Variants in FGGY observed in about 807,000 individuals in gnomAD.
The protein encoded by FGGY is FGGY carbohydrate kinase domain-containing protein.
In FGGY, 72 loss-of-function variants were observed where a neutral mutation model predicts 71.3. The ratio of observed to expected loss-of-function variants is 1.01; its 90% confidence interval spans 0.84 to 1.23. The LOEUF is 1.23. Ranked by LOEUF, FGGY falls within the 50% of genes most tolerant of loss-of-function variation. The pLI is 0.00. For missense variants in FGGY, 668 were observed against 682.3 expected, an observed-to-expected ratio of 0.98 and a Z score of 0.23; for synonymous variants, 251 against 250.3, an observed-to-expected ratio of 1.00 and a Z score of -0.02.
In FGGY at chr1:59,562,117, T is replaced by C. The variant is rs143256815; in HGVS notation, c.903+7890T>C. 6.4e-3 allele frequency among the ~76,000 whole-genome samples: 973 copies of C among 152,326 alleles called. 12 individuals carry two copies. The highest frequency in any genetic ancestry group is 0.023 in the African/African-American group (936 of 41,578). Reference sequence around the variant, plus strand: ...AGTTACAAAGTTAACATATTCCTACTACGTGATCTAGCCATTCCACTCTTA... The same window carrying C: ...AGTTACAAAGTTAACATATTCCTACCACGTGATCTAGCCATTCCACTCTTA... On this transcript the variant is annotated intron_variant, in intron 8 of 15. Coordinates refer to ENST00000303721, the MANE Select transcript of FGGY (RefSeq NM_018291.5).
intron 9 of FGGY, among the ~76,000 whole-genome samples, chr1:59,613,008 A>T (rs1204060424): frequency 9.2e-5 from 14 of 152,208 alleles, no homozygotes; most frequent in Non-Finnish European, 1.3e-4. Context: ...AAGTCCTTAG[A>T]GAACTACAAA....
intron 6 of FGGY, among the ~76,000 whole-genome samples, chr1:59,490,320 G>C (rs899532715): frequency 2.0e-5 from 3 of 152,212 alleles, no homozygotes; most frequent in Non-Finnish European, 2.9e-5. Flanking sequence ...AAGTCTCTGA[G>C]ATTACAGGCG....
chr1:59,642,148 G>A (rs2097036360), intron 11 of FGGY, among the ~76,000 whole-genome samples: 1 of 152,194 alleles, frequency 6.6e-6, no homozygotes, highest in Non-Finnish European at 1.5e-5. Context: ...AAAGGCCTTA[G>A]TAGTTCTGTA....
chr1:59,329,724 C>A (rs1435341673), intron 2 of FGGY, among the ~76,000 whole-genome samples: 1 of 152,212 alleles, frequency 6.6e-6, no homozygotes, highest in East Asian at 1.9e-4. Context: ...ACCAGCATAT[C>A]TAACTCCTGT....
intron 11 of FGGY, among the ~76,000 whole-genome samples, chr1:59,647,830 G>A (rs2097111228): frequency 8.2e-6 from 1 of 122,540 alleles, no homozygotes; most frequent in African/African-American, 3.3e-5. Context: ...CATGTGCCAT[G>A]CTGGTGCGCT....
rs1341035853 is a variant in FGGY at position 59,609,157 on chromosome 1, A to G, written c.1011+1247A>G. On this transcript the variant is annotated intron_variant, in intron 9 of 15. Coordinates refer to ENST00000303721, the MANE Select transcript of FGGY (RefSeq NM_018291.5). ...TATGGGAAAAAAGACATGGAAGTGAAAAATAACGGCTAATTTGAGGGTAAT... is the reference window on the plus strand; with the variant it reads ...TATGGGAAAAAAGACATGGAAGTGAGAAATAACGGCTAATTTGAGGGTAAT... 2.6e-5 allele frequency among the ~76,000 whole-genome samples: 4 copies of G among 152,336 alleles called. No individual in the cohort carries two copies. In the East Asian group the frequency reaches 7.7e-4, roughly 29 times the overall value.
chr1:59,340,150 A>G, intron 3 of FGGY, 81 bp downstream of exon 3: 1 of 907,752 alleles, frequency 1.1e-6, no homozygotes, highest in Non-Finnish European at 1.7e-6. Flanking sequence ...ACAGGAGGGC[A>G]GGCGTCTCTT....
intron 7 of FGGY, among the ~76,000 whole-genome samples, chr1:59,551,499 CG>C (rs2095607307): frequency 6.6e-6 from 1 of 152,114 alleles, no homozygotes; most frequent in African/African-American, 2.4e-5. Context: ...TGTGGAGCAG[CG>C]TGGCCAACTC....
chr1:59,634,878 T>A (rs2096941918), intron 10 of FGGY, among the ~76,000 whole-genome samples: 1 of 152,172 alleles, frequency 6.6e-6, no homozygotes, highest in Non-Finnish European at 1.5e-5. Flanking sequence ...TACCTGATCA[T>A]CCAGCTGGTA....
chr1:59,503,498 C>G (rs1465810907), intron 6 of FGGY, among the ~76,000 whole-genome samples: 1 of 150,934 alleles, frequency 6.6e-6, no homozygotes, highest in Non-Finnish European at 1.5e-5. Context: ...TCTACAATAT[C>G]TTGCCACTGT....
chr1:59,564,653 G>A, intron 8 of FGGY, among the ~76,000 whole-genome samples: 1 of 152,220 alleles, frequency 6.6e-6, no homozygotes, highest in East Asian at 1.9e-4. Context: ...GTGATAATGT[G>A]GGGAACTGGA....
In FGGY at chr1:59,554,611, C is replaced by T. The variant is rs542729829; in HGVS notation, c.903+384C>T. Reference sequence around the variant, plus strand: ...GTCTGTTTTCCTTGGCCAGGGAACTCTCTCTCAATCAATATAAATCCATCT... The same window carrying T: ...GTCTGTTTTCCTTGGCCAGGGAACTTTCTCTCAATCAATATAAATCCATCT... On this transcript the variant is annotated intron_variant, in intron 8 of 15. Coordinates refer to ENST00000303721, the MANE Select transcript of FGGY (RefSeq NM_018291.5). Among the ~76,000 whole-genome samples the T allele has an allele frequency of 1.2e-4, 19 of 152,214 alleles. No individual in the cohort carries two copies. In the East Asian group the frequency reaches 2.7e-3, roughly 22 times the overall value.
At chr1:59,511,559 T>C (rs1044978674) in intron 6 of FGGY, among the ~76,000 whole-genome samples, 1 of 152,154 alleles carries the variant, frequency 6.6e-6, no homozygotes, top group Non-Finnish European at 1.5e-5. Flanking sequence ...CCTAACTAGG[T>C]TGGGGGCAAG....
chr1:59,573,504 A>ATGAACAATATG (rs2096024024), intron 8 of FGGY, among the ~76,000 whole-genome samples: 2 of 152,144 alleles, frequency 1.3e-5, no homozygotes, highest in African/African-American at 4.8e-5. Context: ...ATATATGTTT[A>ATGAACAATATG]TGAACAATAT....
In FGGY at chr1:59,666,687, A is replaced by C. The variant is rs551162691; in HGVS notation, c.1297-596A>C. ...AACCAGGGAATGGATTTGGCTCAGA[A>C]GTCTCCTTTTAGAGAACCACTACCT... is the stretch of plus-strand genomic sequence containing the variant. On this transcript the variant is annotated intron_variant, in intron 12 of 15. Transcript: ENST00000303721. 2.0e-5 allele frequency among the ~76,000 whole-genome samples: 3 copies of C among 152,326 alleles called. No individual in the cohort carries two copies. The East Asian group carries it at 5.8e-4, about 29-fold the overall frequency.
chr1:59,463,770 G>C (rs965354466), intron 6 of FGGY, among the ~76,000 whole-genome samples: 1 of 151,994 alleles, frequency 6.6e-6, no homozygotes, highest in Non-Finnish European at 1.5e-5. Flanking sequence ...GACAAAGAAG[G>C]CCATTACATA....
chr1:59,721,552 G>C (rs1172955440), intron 14 of FGGY, among the ~76,000 whole-genome samples: 1 of 151,678 alleles, frequency 6.6e-6, no homozygotes, highest in Non-Finnish European at 1.5e-5. Context: ...TGGTCAGGCT[G>C]GTCTCGAACT....
intron 4 of FGGY, among the ~76,000 whole-genome samples, chr1:59,353,021 T>C (rs757245115): frequency 3.3e-5 from 5 of 152,184 alleles, no homozygotes; most frequent in Non-Finnish European, 7.3e-5. Context: ...ATACAAGATA[T>C]TGAGGAACTT....
At chr1:59,519,735 A>G (rs1301018243) in intron 7 of FGGY, among the ~76,000 whole-genome samples, 1 of 152,230 alleles carries the variant, frequency 6.6e-6, no homozygotes, top group Non-Finnish European at 1.5e-5. Context: ...CTCAGACTTT[A>G]TATCTTGCTC....
Sources: allele counts gnomAD v4.1 joint callset (sites outside exome capture counted in the v4.1 genomes callset), GRCh38; gene constraint gnomAD v4.1.1; transcripts MANE v1.5; gene names NCBI Gene and HGNC (gene_info 2026-07-23, HGNC 2026-07-21).